Variants in CDC42BPA observed in about 807,000 individuals in gnomAD.
CDC42BPA encodes the protein CDC42 binding protein kinase alpha.
CDC42BPA carries 80 observed loss-of-function variants against 223.5 expected under a neutral mutation model. That is an observed-to-expected ratio of 0.36 (90% CI 0.30 to 0.43). The LOEUF is 0.43. CDC42BPA is among the 20% of genes least tolerant of loss of function. CDC42BPA has a pLI of 1.00. For synonymous variants in CDC42BPA, 694 were observed against 718.6 expected, an observed-to-expected ratio of 0.97 and a Z score of 0.55; for missense variants, 1,743 against 2,099.9, an observed-to-expected ratio of 0.83 and a Z score of 3.32.
At chr1:227,125,484 C>G (rs1452231440) in intron 11 of CDC42BPA, among the ~76,000 whole-genome samples, 1 of 151,466 alleles carries the variant, frequency 6.6e-6, no homozygotes, top group Non-Finnish European at 1.5e-5. Flanking sequence ...GTGGTCCCAG[C>G]TACTCAGGAG....
chr1:227,076,923 G>T (rs1035917780), intron 17 of CDC42BPA, among the ~76,000 whole-genome samples: 1 of 151,988 alleles, frequency 6.6e-6, no homozygotes, highest in Admixed American at 6.6e-5. Context: ...TATACTTCCC[G>T]AAGTCTAATT....
intron 10 of CDC42BPA, among the ~76,000 whole-genome samples, chr1:227,134,650 T>C (rs1336601199): frequency 6.6e-6 from 1 of 152,226 alleles, no homozygotes; most frequent in Admixed American, 6.5e-5. Flanking sequence ...GCTCCTGGGC[T>C]GTTTGATACT....
chr1:227,286,261 G>A (rs748504449), intron 1 of CDC42BPA, among the ~76,000 whole-genome samples: 1 of 152,100 alleles, frequency 6.6e-6, no homozygotes, highest in Non-Finnish European at 1.5e-5. Context: ...TTTGATCACA[G>A]GCTGTTAGAA....
chr1:227,016,860 G>C, intron 33 of CDC42BPA, 67 bp downstream of exon 33: 1 of 1,433,230 alleles, frequency 7.0e-7, no homozygotes, highest in Non-Finnish European at 9.3e-7. Flanking sequence ...ATCAAATATA[G>C]TATCATCACC....
intron 1 of CDC42BPA, among the ~76,000 whole-genome samples, chr1:227,303,673 T>C (rs955320812): frequency 6.6e-6 from 1 of 152,212 alleles, no homozygotes; most frequent in East Asian, 1.9e-4. Flanking sequence ...GAACAGGTCC[T>C]CAGCTTTCAC....
In CDC42BPA at chr1:227,144,755, T is replaced by C. The variant is rs549698270; in HGVS notation, c.1143+734A>G. 1.5e-4 allele frequency among the ~76,000 whole-genome samples: 23 copies of C among 152,256 alleles called. No homozygotes were observed. In the South Asian group the frequency reaches 4.8e-3, roughly 32 times the overall value. On this transcript the variant is annotated intron_variant, in intron 8 of 36. Coordinates refer to ENST00000366766, the MANE Select transcript of CDC42BPA (RefSeq NM_001394014.1). ...TCACAAGTTAAGAATGGTTGAATTA[T>C]TTGGCTATTGGACTGGCCGAATAAT... is the stretch of plus-strand genomic sequence containing the variant.
chr1:227,041,350 C>T (rs939077465), intron 23 of CDC42BPA, among the ~76,000 whole-genome samples: 1 of 152,024 alleles, frequency 6.6e-6, no homozygotes, highest in South Asian at 2.1e-4. Flanking sequence ...ATCTTTATGT[C>T]CATGGGTACC....
Position 227,097,890 on chromosome 1 carries a change from GCCAAGTCAAAGGTTAAACA to G in CDC42BPA, c.2249+3083_2249+3101del, listed in dbSNP as rs756972985. On this transcript the variant is annotated intron_variant, in intron 15 of 36. Transcript: ENST00000366766. ...AAGGGATGCAACCCCACAGAAGCATGCCAAGTCAAAGGTTAAACACCAAGTCAAAGGTTAAATCATACAC... is the reference window on the plus strand; with the variant it reads ...AAGGGATGCAACCCCACAGAAGCATGCCAAGTCAAAGGTTAAATCATACAC... Among the ~76,000 whole-genome samples, 354 of 152,284 alleles carry G rather than the reference GCCAAGTCAAAGGTTAAACA, an allele frequency of 2.3e-3. 4 individuals are homozygous for G. Among genetic ancestry groups the G allele is most frequent in the Non-Finnish European group, 2.2e-3 (151 of 68,024 alleles).
At chr1:227,114,904 T>A (rs370023258) in intron 12 of CDC42BPA, among the ~76,000 whole-genome samples, 1 of 144,138 alleles carries the variant, frequency 6.9e-6, no homozygotes, top group African/African-American at 2.7e-5. Context: ...TTAGGATATT[T>A]AACTTAAACT....
intron 15 of CDC42BPA, among the ~76,000 whole-genome samples, chr1:227,096,047 T>A (rs1488973265): frequency 6.6e-6 from 1 of 152,226 alleles, no homozygotes. Flanking sequence ...ACAAACAATG[T>A]AAGTAATGGT....
At chr1:227,162,896 ATATATGTGTGTG>A (rs750684838) in intron 5 of CDC42BPA, among the ~76,000 whole-genome samples, 3 of 81,610 alleles carry the variant, frequency 3.7e-5, no homozygotes, top group Non-Finnish European at 7.7e-5. Flanking sequence ...GTTTCCAAAC[ATATATGTGTGTG>A]TATATGTGTG....
At chr1:227,229,039 T>G (rs1042158229) in intron 2 of CDC42BPA, among the ~76,000 whole-genome samples, 1 of 152,060 alleles carries the variant, frequency 6.6e-6, no homozygotes, top group Non-Finnish European at 1.5e-5. Context: ...AATCTTATTT[T>G]TTGTTTTTTC....
chr1:227,042,980 T>G (rs568627409), intron 23 of CDC42BPA, among the ~76,000 whole-genome samples: 4 of 152,186 alleles, frequency 2.6e-5, no homozygotes, highest in South Asian at 2.1e-4. Context: ...AAGAGCCAAG[T>G]AGAACCAAGT....
chr1:227,315,372 T>C (rs1269732941), intron 1 of CDC42BPA, among the ~76,000 whole-genome samples: 3 of 152,176 alleles, frequency 2.0e-5, no homozygotes, highest in South Asian at 4.1e-4. Flanking sequence ...TAAACTCTAA[T>C]AATCAGAAGG....
intron 27 of CDC42BPA, among the ~76,000 whole-genome samples, chr1:227,032,671 G>A (rs1461914228): frequency 1.3e-5 from 2 of 152,184 alleles, no homozygotes; most frequent in Non-Finnish European, 2.9e-5. Flanking sequence ...AAAGGGCCTG[G>A]CAGCTTATTT....
intron 35 of CDC42BPA, among the ~76,000 whole-genome samples, chr1:227,002,971 A>G (rs1663181719): frequency 6.6e-6 from 1 of 152,200 alleles, no homozygotes; most frequent in African/African-American, 2.4e-5. Context: ...AAGCTATGAG[A>G]TAATAAATGT....
intron 5 of CDC42BPA, among the ~76,000 whole-genome samples, chr1:227,192,657 G>A (rs1669910790): frequency 6.6e-6 from 1 of 152,010 alleles, no homozygotes; most frequent in Non-Finnish European, 1.5e-5. Flanking sequence ...TAAAATGTGA[G>A]GGTACCTTTT....
In CDC42BPA at chr1:227,034,648, C is replaced by T; in HGVS notation, c.3476+7G>A. 6.3e-7 allele frequency: 1 copy of T among 1,598,990 alleles called. No homozygotes were observed. Among genetic ancestry groups the T allele is most frequent in the Non-Finnish European group, 8.5e-7 (1 of 1,172,538 alleles). The stretch of plus-strand genomic sequence containing the variant: ...TGATACAAATAATTTTACCTTCAAA[C>T]TCTTACCTCATGTCAATCACTTGAC... On this transcript the variant is annotated splice_region_variant and intron_variant, in intron 26 of 36. Coordinates refer to ENST00000366766, the MANE Select transcript of CDC42BPA (RefSeq NM_001394014.1).
At chr1:227,161,702 C>T (rs758835831) in intron 5 of CDC42BPA, among the ~76,000 whole-genome samples, 4 of 152,138 alleles carry the variant, frequency 2.6e-5, no homozygotes, top group Non-Finnish European at 4.4e-5. Flanking sequence ...CACAGCCATG[C>T]CCATTCATTT....
Sources: gnomAD v4.1 joint callset for allele counts (sites outside exome capture counted in the v4.1 genomes callset) on GRCh38, gnomAD v4.1.1 for gene constraint, MANE v1.5 for transcripts, NCBI Gene and HGNC (gene_info 2026-07-23, HGNC 2026-07-21) for gene names.